The following TNFAIP8 variants were observed in gnomAD, a reference collection of about 807,000 sequenced individuals.
The protein encoded by TNFAIP8 is tumor necrosis factor alpha-induced protein 8.
TNFAIP8 carries 7 observed loss-of-function variants against 13.3 expected under a neutral mutation model. That is an observed-to-expected ratio of 0.52 (90% CI 0.30 to 0.99). The LOEUF is 0.99. Among genes scored for constraint, TNFAIP8 ranks in the 50% least tolerant of loss-of-function variants. The pLI is 0.07. For missense variants in TNFAIP8, 258 were observed against 236.9 expected (o/e 1.09, Z -0.58); for synonymous variants, 94 against 87.6 (o/e 1.07, Z -0.41).
chr5:119,355,572 A>G, upstream of TNFAIP8: 1 of 571,524 alleles, frequency 1.7e-6, no homozygotes. Context: ...CTCCAAGACA[A>G]AGTCAAATGG....
At chr5:119,281,345 C>T (rs1178662894) in intron 1 of TNFAIP8, among the ~76,000 whole-genome samples, 1 of 151,758 alleles carries the variant, frequency 6.6e-6, no homozygotes, top group African/African-American at 2.4e-5. Flanking sequence ...CATAAATACT[C>T]ATATAAAGAT....
intron 1 of TNFAIP8, among the ~76,000 whole-genome samples, chr5:119,307,404 A>T (rs1034341367): frequency 2.0e-5 from 3 of 152,216 alleles, no homozygotes; most frequent in Non-Finnish European, 4.4e-5. Flanking sequence ...AGGTGTACAT[A>T]CAGTACTTTT....
intron 1 of TNFAIP8, among the ~76,000 whole-genome samples, chr5:119,369,769 G>A (rs1752005936): frequency 6.6e-6 from 1 of 152,134 alleles, no homozygotes; most frequent in African/African-American, 2.4e-5. Context: ...AGGAAGGCTT[G>A]GTAGGACCTT....
At chr5:119,378,913 A>T (rs572565159) in intron 1 of TNFAIP8, among the ~76,000 whole-genome samples, 10 of 152,116 alleles carry the variant, frequency 6.6e-5, no homozygotes, top group South Asian at 4.1e-4. Flanking sequence ...ATCTCTACAA[A>T]GAGAGCCTGG....
intron 1 of TNFAIP8, among the ~76,000 whole-genome samples, chr5:119,283,597 AAG>A (rs1748696791): frequency 6.6e-6 from 1 of 152,236 alleles, no homozygotes; most frequent in African/African-American, 2.4e-5. Context: ...AGCTTGCTGT[AAG>A]AGAGTCGGTG....
intron 1 of TNFAIP8, among the ~76,000 whole-genome samples, chr5:119,360,192 T>G (rs1320462135): frequency 6.6e-6 from 1 of 152,222 alleles, no homozygotes; most frequent in East Asian, 1.9e-4. Context: ...TGCTCCTGAC[T>G]GTTGGTGATC....
At chr5:119,391,905 G>C (rs939500532) in intron 1 of TNFAIP8, among the ~76,000 whole-genome samples, 1 of 152,166 alleles carries the variant, frequency 6.6e-6, no homozygotes. Context: ...TATAGTGTCT[G>C]TTTAATATTT....
intron 1 of TNFAIP8, among the ~76,000 whole-genome samples, chr5:119,350,790 A>T (rs1048538491): frequency 1.1e-4 from 17 of 152,162 alleles, no homozygotes; most frequent in African/African-American, 4.1e-4. Context: ...CATAACTTCA[A>T]ACTCCCAGGA....
chr5:119,284,353 G>GA (rs150603396), intron 1 of TNFAIP8, among the ~76,000 whole-genome samples: 1,548 of 149,110 alleles, frequency 0.01, 17 homozygotes, highest in African/African-American at 0.035. Flanking sequence ...TTCTTCAACA[G>GA]AAAAAAAAAA....
chr5:119,308,253 C>T (rs965413663), intron 1 of TNFAIP8, among the ~76,000 whole-genome samples: 3 of 152,228 alleles, frequency 2.0e-5, no homozygotes, highest in East Asian at 1.9e-4. Context: ...AGAAGTCTGC[C>T]GCCTGTGAAC....
intron 1 of TNFAIP8, among the ~76,000 whole-genome samples, chr5:119,392,122 C>G (rs558191514): frequency 1.8e-4 from 27 of 152,334 alleles, no homozygotes; most frequent in African/African-American, 6.3e-4. Context: ...AATGAGCTCT[C>G]CAAGGAGCAC....
At chr5:119,384,242 T>C (rs555289329) in intron 1 of TNFAIP8, among the ~76,000 whole-genome samples, 222 of 152,286 alleles carry the variant, frequency 1.5e-3, no homozygotes, top group Non-Finnish European at 2.0e-3. Context: ...CCTAGCACTT[T>C]GGGAGACCGA....
At chr5:119,382,441 C>G (rs1290607005) in intron 1 of TNFAIP8, among the ~76,000 whole-genome samples, 1 of 152,168 alleles carries the variant, frequency 6.6e-6, no homozygotes, top group African/African-American at 2.4e-5. Context: ...TTTTTGTTGA[C>G]TGACTCATGT....
intron 1 of TNFAIP8, among the ~76,000 whole-genome samples, chr5:119,372,005 C>T (rs551032657): frequency 5.9e-5 from 9 of 152,020 alleles, no homozygotes; most frequent in East Asian, 1.9e-4. Flanking sequence ...GGCGTGGTGG[C>T]GGGCACCTAC....
chr5:119,364,841 GTTTTTTTTTTTTTT>G lies in TNFAIP8; in HGVS notation c.31+8735_31+8748del, dbSNP rs10714712. ...GGTTTTTTCCCCTTTTTTCTTTTCA[GTTTTTTTTTTTTTT>G]TTTTTTTTTTTTTTGAGATGGAGTC... On this transcript the variant is annotated intron_variant, in intron 1 of 1. Transcript: ENST00000504771. Among the ~76,000 whole-genome samples the G allele has an allele frequency of 5.7e-3, 508 of 88,712 alleles. 1 individual carries two copies. The highest frequency in any genetic ancestry group is 0.01 in the African/African-American group (221 of 21,520). The allele number at this position is 88,712 out of a possible 152,430, so 58.2% of individuals were successfully genotyped here. A position where few individuals can be genotyped will look rare whatever the true frequency, so the allele number is the denominator to read the frequency against.
chr5:119,292,174 G>A (rs1749007613), intron 1 of TNFAIP8, among the ~76,000 whole-genome samples: 1 of 152,042 alleles, frequency 6.6e-6, no homozygotes, highest in East Asian at 1.9e-4. Context: ...GAGGTAAAGG[G>A]GAGCCCCAGA....
chr5:119,299,776 C>G (rs943411868), intron 1 of TNFAIP8, among the ~76,000 whole-genome samples: 1 of 152,238 alleles, frequency 6.6e-6, no homozygotes, highest in African/African-American at 2.4e-5. Context: ...TTCGAGCTTC[C>G]TGGCTGCTTT....
intron 1 of TNFAIP8, chr5:119,391,529 A>G (rs3733855): frequency 0.7 from 460,456 of 659,578 alleles, 161,987 homozygotes; most frequent in African/African-American, 0.78. Flanking sequence ...GGAGGCTGAG[A>G]TGGGCAGATC....
chr5:119,357,757 G>T (rs181056149), intron 1 of TNFAIP8, among the ~76,000 whole-genome samples: 1 of 151,770 alleles, frequency 6.6e-6, no homozygotes, highest in Non-Finnish European at 1.5e-5. Context: ...GGCCACAAAT[G>T]ATATGGCGCT....
Sources: gnomAD v4.1 joint callset for allele counts (sites outside exome capture counted in the v4.1 genomes callset) on GRCh38, gnomAD v4.1.1 for gene constraint, MANE v1.5 for transcripts, NCBI Gene and HGNC (gene_info 2026-07-23, HGNC 2026-07-21) for gene names.